HDAC9: variants seen among roughly 807,000 people sequenced by gnomAD.
The protein encoded by HDAC9 is histone deacetylase 9.
Under a neutral mutation model 139.4 loss-of-function variants are expected in HDAC9, and 41 were observed. The ratio of observed to expected loss-of-function variants is 0.29; its 90% CI spans 0.23 to 0.38. HDAC9 has a LOEUF of 0.38. Ranked by LOEUF, HDAC9 falls within the 10% of genes least tolerant of loss-of-function variation. The pLI, the probability that HDAC9 is intolerant of heterozygous loss-of-function variation, is 1.00. For missense variants in HDAC9, 1,147 were observed against 1,297.0 expected (o/e 0.88, Z 1.78); for synonymous variants, 517 against 476.2 (o/e 1.09, Z -1.12).
chr7:18,502,481 A>G (rs1313871615), intron 2 of HDAC9: 1 of 152,202 alleles, frequency 6.6e-6, no homozygotes, highest in Non-Finnish European at 1.5e-5. Context: ...TACAACGTGG[A>G]TATTGGTGAT....
At chr7:18,451,373 G>GTA (rs1792812814) in intron 1 of HDAC9, among the ~76,000 whole-genome samples, 1 of 118,590 alleles carries the variant, frequency 8.4e-6, no homozygotes. Flanking sequence ...ATGTGCGTGT[G>GTA]TGTGTGTGTG....
intron 1 of HDAC9, among the ~76,000 whole-genome samples, chr7:18,457,708 A>G (rs1301825095): frequency 1.3e-5 from 2 of 152,144 alleles, no homozygotes; most frequent in East Asian, 3.8e-4. Context: ...GGCATTAGTG[A>G]GTTTTTTAAA....
chr7:18,824,053 A>AGAAGAAGAGGAAGAG (rs1795208058), intron 17 of HDAC9, among the ~76,000 whole-genome samples: 2 of 108,060 alleles, frequency 1.9e-5, no homozygotes, highest in Non-Finnish European at 4.7e-5. Context: ...AGGAAGAAGA[A>AGAAGAAGAGGAAGAG]GAAGAAGAAG....
At chr7:18,538,878 G>C (rs1474876205) in intron 2 of HDAC9, among the ~76,000 whole-genome samples, 1 of 152,128 alleles carries the variant, frequency 6.6e-6, no homozygotes, top group Non-Finnish European at 1.5e-5. Context: ...TACAGTTCAG[G>C]AGGATAGGGA....
chr7:18,117,496 ATAAAAAAT>A (rs1296630082), intron 1 of HDAC9, among the ~76,000 whole-genome samples: 1 of 146,064 alleles, frequency 6.8e-6, no homozygotes, highest in African/African-American at 2.5e-5. Flanking sequence ...AAAAAATAAA[ATAAAAAAT>A]TAAAAAAAAA....
intron 1 of HDAC9, among the ~76,000 whole-genome samples, chr7:18,311,694 A>G (rs1799329164): frequency 1.3e-5 from 2 of 152,200 alleles, no homozygotes; most frequent in South Asian, 2.1e-4. Flanking sequence ...ATATTCTACT[A>G]CTGTCAAGGA....
chr7:18,825,129 A>G (rs1280511205), intron 17 of HDAC9, among the ~76,000 whole-genome samples: 3 of 152,212 alleles, frequency 2.0e-5, no homozygotes, highest in African/African-American at 7.2e-5. Context: ...GATATTGAGT[A>G]CATGGGCTAA....
In HDAC9 at chr7:18,753,560, A is replaced by C. The variant is rs150795823; in HGVS notation, c.2043+4422A>C. On this transcript the variant is annotated intron_variant, in intron 14 of 25. Coordinates refer to ENST00000686413, the MANE Select transcript of HDAC9 (RefSeq NM_178425.4). ...CTCAACCAACAGAGCAGTCAATTTT[A>C]CAATTAATGAAATAAAAAAATACAT... Among the ~76,000 whole-genome samples the C allele has an allele frequency of 1.4e-3, 210 of 152,228 alleles. 2 individuals carry two copies. Among genetic ancestry groups the C allele is most frequent in the African/African-American group, 4.2e-3 (174 of 41,578 alleles).
At chr7:18,882,058 C>T (rs1055930322) in intron 22 of HDAC9, among the ~76,000 whole-genome samples, 19 of 152,108 alleles carry the variant, frequency 1.2e-4, no homozygotes, top group African/African-American at 4.6e-4. Context: ...GTTTCAAAAA[C>T]TGGCCAAGTG....
intron 6 of HDAC9, among the ~76,000 whole-genome samples, chr7:18,595,982 T>G (rs1386872136): frequency 6.6e-6 from 1 of 152,090 alleles, no homozygotes; most frequent in Non-Finnish European, 1.5e-5. Context: ...CTTCTCAGGA[T>G]ATATATGTTA....
intron 1 of HDAC9, among the ~76,000 whole-genome samples, chr7:18,140,453 T>C: frequency 6.6e-6 from 1 of 152,284 alleles, no homozygotes; most frequent in South Asian, 2.1e-4. Flanking sequence ...AAAAAGTCAC[T>C]CTTAGACTAG....
At chr7:18,774,910 G>A (rs1790627373) in intron 16 of HDAC9, among the ~76,000 whole-genome samples, 2 of 152,036 alleles carry the variant, frequency 1.3e-5, no homozygotes, top group Admixed American at 1.3e-4. Flanking sequence ...TCTTCGCTAA[G>A]CTTAATCATT....
intron 11 of HDAC9, among the ~76,000 whole-genome samples, chr7:18,650,645 C>G (rs551670296): frequency 1.3e-5 from 2 of 152,238 alleles, no homozygotes; most frequent in East Asian, 3.9e-4. Context: ...ATGAGAAAAG[C>G]AAATCTTATC....
intron 1 of HDAC9, among the ~76,000 whole-genome samples, chr7:18,097,631 G>T (rs1782595419): frequency 6.6e-6 from 1 of 152,060 alleles, no homozygotes; most frequent in South Asian, 2.1e-4. Context: ...GCAGCAGTGT[G>T]ATCATAGCTC....
At chr7:18,297,507 T>C (rs189439241) in intron 1 of HDAC9, among the ~76,000 whole-genome samples, 41 of 152,306 alleles carry the variant, frequency 2.7e-4, no homozygotes, top group Non-Finnish European at 4.3e-4. Context: ...GCATAGACAT[T>C]TAAAAACTCA....
chr7:18,154,787 C>T (rs942471323), intron 1 of HDAC9, among the ~76,000 whole-genome samples: 3 of 152,164 alleles, frequency 2.0e-5, no homozygotes, highest in African/African-American at 7.2e-5. Context: ...AATCATATCA[C>T]TCTTAATTAC....
At chr7:18,745,273 T>A (rs1185294414) in intron 13 of HDAC9, among the ~76,000 whole-genome samples, 1 of 152,188 alleles carries the variant, frequency 6.6e-6, no homozygotes, top group Non-Finnish European at 1.5e-5. Context: ...TCAGTGGAAG[T>A]TTGGGGTTCC....
At chr7:18,899,647 A>G (rs1004921282) in intron 22 of HDAC9, among the ~76,000 whole-genome samples, 2 of 151,974 alleles carry the variant, frequency 1.3e-5, no homozygotes, top group Non-Finnish European at 2.9e-5. Context: ...AAATAATGTG[A>G]ATACAGTGAG....
At chr7:18,722,090 G>C (rs1463031756) in intron 12 of HDAC9, among the ~76,000 whole-genome samples, 1 of 152,138 alleles carries the variant, frequency 6.6e-6, no homozygotes, top group African/African-American at 2.4e-5. Context: ...ACAGATGTTT[G>C]AGCACAGTGG....
Sources: gnomAD v4.1 joint callset for allele counts (sites outside exome capture counted in the v4.1 genomes callset) on GRCh38, gnomAD v4.1.1 for gene constraint, MANE v1.5 for transcripts, NCBI Gene and HGNC (gene_info 2026-07-23, HGNC 2026-07-21) for gene names.